ZNF649: variants seen among roughly 807,000 people sequenced by gnomAD.
ZNF649 encodes the protein zinc finger protein 649.
Under a neutral mutation model 14.1 loss-of-function variants are expected in ZNF649, and 7 were observed. That is an observed-to-expected ratio of 0.49 (90% CI 0.28 to 0.93). The LOEUF is 0.93. Among genes scored for constraint, ZNF649 ranks in the 40% least tolerant of loss-of-function variants. The pLI, the probability that ZNF649 is intolerant of heterozygous loss-of-function variation, is 0.10. For missense variants in ZNF649, 544 were observed against 608.1 expected (o/e 0.89, Z 1.11); for synonymous variants, 227 against 212.3 (o/e 1.07, Z -0.60).
intron 4 of ZNF649, among the ~76,000 whole-genome samples, chr19:51,893,411 A>T (rs2085037635): frequency 6.6e-6 from 1 of 151,876 alleles, no homozygotes; most frequent in Admixed American, 6.6e-5. Context: ...CTCTTCAGTG[A>T]TGTGTGTTTT....
At chr19:51,896,684 C>G (rs1599887734) in intron 3 of ZNF649, 117 bp from the exon 4 acceptor site, 1 of 1,560,150 alleles carries the variant, frequency 6.4e-7, no homozygotes, top group Admixed American at 1.7e-5. Context: ...AAATTAAAGG[C>G]TTTTTTTCTA....
chr19:51,896,532 A>G lies in ZNF649; in HGVS notation c.178T>C (p.Leu60=), dbSNP rs2085063523. 6.2e-7 allele frequency: 1 copy of G among 1,614,082 alleles called. No individual in the cohort carries two copies. Among genetic ancestry groups the G allele is most frequent in the East Asian group, 2.2e-5 (1 of 44,880 alleles). Residue 60 remains leucine, a synonymous_variant, in exon 4 of 5, where the codon TTG becomes CTG. Transcript: ENST00000354957. ...GTCCATAGTGGTTCTCCTTGTTCCAACTTGGTGAGGGCATCAGGTTTGCCG... is the reference window on the plus strand; with the variant it reads ...GTCCATAGTGGTTCTCCTTGTTCCAGCTTGGTGAGGGCATCAGGTTTGCCG... ...QAGKPDALTK[L]EQGEPLWTLE...
rs1347977712 is a variant in ZNF649 at position 51,889,613 on chromosome 19, G to A, written c.*1005C>T. The A allele has an allele frequency of 3.9e-5, 6 of 152,164 alleles. No homozygotes were observed. The highest frequency in any genetic ancestry group is 5.9e-5 in the Non-Finnish European group (4 of 68,024). The allele number at this position is 152,164 out of a possible 1,614,324, so 9.4% of individuals were successfully genotyped here. ...TTTCAAGATGTAATTACCTTCCAAA[G>A]GTCACACTTCCTAATGCCATCCCTT... On this transcript the variant is annotated 3_prime_UTR_variant, in exon 5 of 5. Coordinates refer to ENST00000354957, the MANE Select transcript of ZNF649 (RefSeq NM_023074.4).
Position 51,891,761 on chromosome 19 carries a change from G to A in ZNF649, c.375C>T (p.Asn125=). ...LGLTNQSRRY[N]RKEPAEFNGD... The stretch of plus-strand genomic sequence containing the variant: ...CATTAAACTCAGCAGGCTCCTTTCT[G>A]TTGTATCTTCTGCTCTGGTTGGTTA... The change falls in exon 5 of 5, where the codon AAC becomes AAT. Residue 125 remains asparagine, a synonymous_variant. Transcript: ENST00000354957. The surrounding 1 kb of genome is among the most constrained non-coding windows in gnomAD (Gnocchi z 4.2). The A allele has an allele frequency of 3.7e-6, 6 of 1,613,986 alleles. No homozygotes were observed. Among genetic ancestry groups the A allele is most frequent in the Non-Finnish European group, 5.1e-6 (6 of 1,179,996 alleles).
At position 51,889,459 on chromosome 19, in the gene ZNF649, A is replaced by G. The variant is rs1466183018; in HGVS notation, c.*1159T>C. The G allele has an allele frequency of 6.6e-6, 1 of 152,240 alleles. No homozygotes were observed. Among genetic ancestry groups the G allele is most frequent in the Admixed American group, 6.5e-5 (1 of 15,286 alleles). The allele number at this position is 152,240 out of a possible 1,614,324, so 9.4% of individuals were successfully genotyped here. A position where few individuals can be genotyped will look rare whatever the true frequency, so the allele number is the denominator to read the frequency against. ...GTGTTGGCAGGTCTAGTGTCCAGTGAGAGTCCATTTCCTGGTTTATGCATG... is the reference window on the plus strand; with the variant it reads ...GTGTTGGCAGGTCTAGTGTCCAGTGGGAGTCCATTTCCTGGTTTATGCATG... On this transcript the variant is annotated 3_prime_UTR_variant, in exon 5 of 5. Coordinates refer to ENST00000354957, the MANE Select transcript of ZNF649 (RefSeq NM_023074.4).
At position 51,890,479 on chromosome 19, in the gene ZNF649, A is replaced by G. The variant is rs914871728; in HGVS notation, c.*139T>C. On this transcript the variant is annotated 3_prime_UTR_variant, in exon 5 of 5. Coordinates refer to ENST00000354957, the MANE Select transcript of ZNF649 (RefSeq NM_023074.4). ...TATTGTGGGAGGGGTAGTGAGGTTT[A>G]TAAGATATAAAAAAGTAAAATATAT... is the stretch of plus-strand genomic sequence containing the variant. The G allele has an allele frequency of 6.6e-6, 4 of 606,708 alleles. No individual in the cohort carries two copies. In the East Asian group the frequency reaches 1.1e-4, roughly 17 times the overall value. The allele number at this position is 606,708 out of a possible 1,614,324, so 37.6% of individuals were successfully genotyped here.
chr19:51,890,418 C>A lies in ZNF649; in HGVS notation c.*200G>T, dbSNP rs2085011206. On this transcript the variant is annotated 3_prime_UTR_variant, in exon 5 of 5. Coordinates refer to ENST00000354957, the MANE Select transcript of ZNF649 (RefSeq NM_023074.4). ...CCTCTAAAACTGCCCCCCTCCCCAG[C>A]CAAACTCTATGATCAAGATAGTAAA... 1 of 500,978 alleles carries A rather than the reference C, an allele frequency of 2.0e-6. No homozygotes were observed. The highest frequency in any genetic ancestry group is 3.5e-6 in the Non-Finnish European group (1 of 287,124). 31.0% of individuals were successfully genotyped at this position (500,978 alleles called of 1,614,324 possible). A position where few individuals can be genotyped will look rare whatever the true frequency, so the allele number is the denominator to read the frequency against.
chr19:51,896,519 T>A lies in ZNF649; in HGVS notation c.191A>T (p.Glu64Val). The stretch of plus-strand genomic sequence containing the variant: ...TTCATCTTCTAGTGTCCATAGTGGT[T>A]CTCCTTGTTCCAACTTGGTGAGGGC... Reference protein sequence around the residue: ...PDALTKLEQGEPLWTLEDEIH... With the variant: ...PDALTKLEQGVPLWTLEDEIH... The change falls in exon 4 of 5, where the codon GAA becomes GTA. Residue 64 changes from glutamate (E) to valine (V), a missense_variant. Physicochemically the swap from Glu to Val is moderately radical, Grantham distance 121. Coordinates refer to ENST00000354957, the MANE Select transcript of ZNF649 (RefSeq NM_023074.4). The A allele has an allele frequency of 6.2e-7, 1 of 1,614,108 alleles. No homozygotes were observed. Among genetic ancestry groups the A allele is most frequent in the Non-Finnish European group, 8.5e-7 (1 of 1,180,014 alleles).
chr19:51,903,719 T>A (rs1204705542), intron 1 of ZNF649, among the ~76,000 whole-genome samples: 1 of 152,052 alleles, frequency 6.6e-6, no homozygotes, highest in Non-Finnish European at 1.5e-5. Context: ...CTCGGGAGGC[T>A]GAGGCAGGAC....
At chr19:51,897,351 TATA>T (rs1053532953) in intron 2 of ZNF649, 29 of 185,970 alleles carry the variant, frequency 1.6e-4, no homozygotes, top group African/African-American at 6.2e-4. Flanking sequence ...TTCTATATTT[TATA>T]ATAACCATGC....
Position 51,896,554 on chromosome 19 carries a change from G to A in ZNF649, c.156C>T (p.Gly52=). The change falls in exon 4 of 5, where the codon GGC becomes GGT. Residue 52 remains glycine (G), a synonymous_variant. Coordinates refer to ENST00000354957, the MANE Select transcript of ZNF649 (RefSeq NM_023074.4). The stretch of plus-strand genomic sequence containing the variant: ...CCAACTTGGTGAGGGCATCAGGTTT[G>A]CCGGCTTGATACCCTGTTTGTGGGA... ...SNLVSVGYQA[G]KPDALTKLEQ... 1.2e-6 allele frequency: 2 copies of A among 1,614,150 alleles called. No homozygotes were observed. Among genetic ancestry groups the A allele is most frequent in the African/African-American group, 1.3e-5 (1 of 75,032 alleles).
chr19:51,891,200 A>G lies in ZNF649; in HGVS notation c.936T>C (p.His312=). The change falls in exon 5 of 5, where the codon CAT becomes CAC. Residue 312 remains histidine (H), a synonymous_variant. Transcript: ENST00000354957. The surrounding 1 kb of genome is among the most constrained non-coding windows in gnomAD (Gnocchi z 4.2). ...KSLLVVHQRT[H]TGEKPHTCSE... ...TGCATGTATGAGGCTTCTCTCCTGT[A>G]TGAGTTCGCTGATGTACAACGAGTA... The G allele has an allele frequency of 5.0e-6, 8 of 1,614,186 alleles. No individual in the cohort carries two copies. The highest frequency in any genetic ancestry group is 5.9e-6 in the Non-Finnish European group (7 of 1,180,030).
rs1020533570 is a variant in ZNF649, at chr19:51,901,010, C to T, written c.-187-716G>A. 3.9e-5 allele frequency among the ~76,000 whole-genome samples: 6 copies of T among 152,172 alleles called. No individual in the cohort carries two copies. The East Asian group carries it at 9.6e-4, about 24-fold the overall frequency. ...CAGCAAAGGTAAAAGGTACATGTGG[C>T]AAAGTCTGGAGGAAACCAGACATAA... On this transcript the variant is annotated intron_variant, in intron 1 of 4. Transcript: ENST00000354957.
chr19:51,902,019 C>G (rs2085098027), intron 1 of ZNF649, among the ~76,000 whole-genome samples: 2 of 150,616 alleles, frequency 1.3e-5, no homozygotes, highest in Admixed American at 1.3e-4. Context: ...GCTTCACACA[C>G]AGATCGGCCC....
Position 51,896,898 on chromosome 19 carries a change from C to T in ZNF649, c.96G>A (p.Leu32=), listed in dbSNP as rs2085066079. 3.7e-6 allele frequency: 6 copies of T among 1,614,196 alleles called. No individual in the cohort carries two copies. The highest frequency in any genetic ancestry group is 5.1e-6 in the Non-Finnish European group (6 of 1,180,038). Residue 32 remains leucine (L), a synonymous_variant, in exon 3 of 5, where the codon CTG becomes CTA. Coordinates refer to ENST00000354957, the MANE Select transcript of ZNF649 (RefSeq NM_023074.4). ...WQFLSPAQKD[L]YRDVMLENYS... ...AGTTCTCCAACATCACATCCCGGTA[C>T]AGGTCCTTCTGAGCAGGGCTCAGGA... is the stretch of plus-strand genomic sequence containing the variant.
At chr19:51,899,031 C>G (rs531649282) in intron 2 of ZNF649, among the ~76,000 whole-genome samples, 1 of 152,310 alleles carries the variant, frequency 6.6e-6, no homozygotes, top group Admixed American at 6.5e-5. Flanking sequence ...TGGCAACCAG[C>G]CCCATCCTGA....
intron 4 of ZNF649, among the ~76,000 whole-genome samples, chr19:51,894,378 C>G (rs2085045753): frequency 6.6e-6 from 1 of 152,210 alleles, no homozygotes; most frequent in Non-Finnish European, 1.5e-5. Flanking sequence ...AGGTGATCTG[C>G]CCAACTCGGC....
chr19:51,901,729 GCAGAT>G (rs1301971805), intron 1 of ZNF649, among the ~76,000 whole-genome samples: 1 of 152,142 alleles, frequency 6.6e-6, no homozygotes, highest in Non-Finnish European at 1.5e-5. Context: ...GCCAAGGTGG[GCAGAT>G]CACTTGAGCT....
At chr19:51,892,058 G>C (rs2085027088) in intron 4 of ZNF649, among the ~76,000 whole-genome samples, 161 bp from the exon 5 acceptor site, 1 of 152,110 alleles carries the variant, frequency 6.6e-6, no homozygotes, top group Non-Finnish European at 1.5e-5. Context: ...AAACTTTTAA[G>C]AATTGTAGTT....
Sources: gnomAD v4.1 joint callset for allele counts (sites outside exome capture counted in the v4.1 genomes callset) on GRCh38, gnomAD v4.1.1 for gene constraint, Gnocchi (gnomAD v3.1) non-coding constraint, MANE v1.5 for transcripts, NCBI Gene and HGNC (gene_info 2026-07-23, HGNC 2026-07-21) for gene names.